The following ATP2C2 variants were observed in gnomAD, a reference collection of about 807,000 sequenced individuals.
The protein encoded by ATP2C2 is calcium-transporting ATPase type 2C member 2.
ATP2C2 carries 171 observed loss-of-function variants against 110.8 expected under a neutral mutation model. The ratio of observed to expected loss-of-function variants is 1.54; its 90% confidence interval spans 1.36 to 1.75. The LOEUF (loss-of-function observed/expected upper bound fraction) is 1.75, where lower values mean the gene tolerates loss of function less well. Among genes scored for constraint, ATP2C2 ranks in the 40% most tolerant of loss-of-function variants. The probability of loss-of-function intolerance (pLI) is 0.00; values close to 1 mark genes in which losing one functional copy is unlikely to be tolerated. For synonymous variants in ATP2C2, 804 were observed against 508.4 expected, an observed-to-expected ratio of 1.58 and a Z score of -7.82; for missense variants, 1,963 against 1,235.0, an observed-to-expected ratio of 1.59 and a Z score of -8.84.
intron 20 of ATP2C2, among the ~76,000 whole-genome samples, chr16:84,454,293 C>T (rs750566350): frequency 2.8e-4 from 42 of 152,152 alleles, no homozygotes; most frequent in Admixed American, 3.9e-4. Flanking sequence ...ATTTTTCTGA[C>T]TCTGAATACC....
intron 2 of ATP2C2, among the ~76,000 whole-genome samples, chr16:84,402,430 G>C (rs1597769598): frequency 6.6e-6 from 1 of 152,236 alleles, no homozygotes; most frequent in South Asian, 2.1e-4. Flanking sequence ...TATGACACTA[G>C]CCCTGGGTCT....
At chr16:84,459,508 G>T (rs1251256503) in intron 23 of ATP2C2, 122 bp downstream of exon 23, 6 of 1,570,670 alleles carry the variant, frequency 3.8e-6, no homozygotes, top group Non-Finnish European at 5.2e-6. Flanking sequence ...TCCATCAGGA[G>T]TTCCCAGAAA....
intron 1 of ATP2C2, among the ~76,000 whole-genome samples, chr16:84,395,894 T>C (rs1425143394): frequency 2.0e-5 from 3 of 152,154 alleles, no homozygotes; most frequent in African/African-American, 7.2e-5. Context: ...GCATTAAGTA[T>C]ATTCCCATTG....
chr16:84,375,053 T>C (rs1910171748), intron 1 of ATP2C2, among the ~76,000 whole-genome samples: 1 of 152,140 alleles, frequency 6.6e-6, no homozygotes, highest in Admixed American at 6.5e-5. Flanking sequence ...TCATATCAGA[T>C]ACAATGAAAA....
rs199755716 is a variant in ATP2C2, at chr16:84,452,031, G to C, written c.1771G>C (p.Glu591Gln). The part of the protein sequence containing the change: ...GVKEAVQVLS[E>Q]SGVSVKMITG... ...GAAGGAAGCAGTCCAGGTTCTCTCCGAGTCTGGTGTGTCTGTGAAGATGAT... is the reference window on the plus strand; with the variant it reads ...GAAGGAAGCAGTCCAGGTTCTCTCCCAGTCTGGTGTGTCTGTGAAGATGAT... Residue 591 changes from glutamate to glutamine, a missense_variant, in exon 18 of 27, where the codon GAG becomes CAG. Physicochemically the swap from Glu to Gln is conservative, Grantham distance 29 (BLOSUM62 2). Transcript: ENST00000262429. The C allele has an allele frequency of 6.2e-7, 1 of 1,613,656 alleles. No individual in the cohort carries two copies. The highest frequency in any genetic ancestry group is 1.3e-5 in the African/African-American group (1 of 74,760).
At chr16:84,420,637 C>G (rs1478794076) in intron 7 of ATP2C2, among the ~76,000 whole-genome samples, 3 of 152,094 alleles carry the variant, frequency 2.0e-5, no homozygotes, top group South Asian at 2.1e-4. Flanking sequence ...CATATTGATG[C>G]CTTCTTGTTA....
chr16:84,415,684 C>T (rs1346844088), intron 7 of ATP2C2, 93 bp downstream of exon 7: 16 of 990,300 alleles, frequency 1.6e-5, no homozygotes, highest in Non-Finnish European at 2.3e-5. Flanking sequence ...TAGTCTCTCT[C>T]ATACACACAT....
chr16:84,439,016 G>T, intron 11 of ATP2C2, 150 bp from the exon 12 acceptor site: 1 of 1,198,382 alleles, frequency 8.3e-7, no homozygotes, highest in East Asian at 2.4e-5. Flanking sequence ...AAGGAGGCAG[G>T]TGCACCTTAG....
At chr16:84,414,943 G>C (rs573440299) in intron 6 of ATP2C2, among the ~76,000 whole-genome samples, 1 of 152,284 alleles carries the variant, frequency 6.6e-6, no homozygotes, top group Non-Finnish European at 1.5e-5. Flanking sequence ...GGCCAGGTCG[G>C]AGGTCAGAGT....
At chr16:84,403,524 C>G (rs1309456364) in intron 2 of ATP2C2, among the ~76,000 whole-genome samples, 9 of 152,198 alleles carry the variant, frequency 5.9e-5, no homozygotes, top group East Asian at 3.9e-4. Flanking sequence ...CCCAGACTAG[C>G]CTTGAACTCC....
At chr16:84,407,585 C>G (rs1369190205) in intron 3 of ATP2C2, 1 of 152,204 alleles carries the variant, frequency 6.6e-6, no homozygotes, top group Non-Finnish European at 1.5e-5. Context: ...ATCCTCCTGC[C>G]TTAGCCTTCT....
At chr16:84,400,783 C>T (rs112123735) in intron 2 of ATP2C2, among the ~76,000 whole-genome samples, 4 of 152,200 alleles carry the variant, frequency 2.6e-5, no homozygotes, top group Middle Eastern at 3.4e-3. Flanking sequence ...TGAGATGATA[C>T]CTCATTGTAG....
intron 6 of ATP2C2, among the ~76,000 whole-genome samples, chr16:84,412,547 CG>C (rs1906463130): frequency 6.7e-6 from 1 of 149,516 alleles, no homozygotes; most frequent in African/African-American, 2.5e-5. Context: ...TGTGTGTATG[CG>C]TGTGTGTGTG....
In ATP2C2 at chr16:84,463,887, G is replaced by A; in HGVS notation, c.*155G>A. ...TTAGGAAAGCTGCAGGAACCTCGTG[G>A]GCTCCAGGGACCCAGGCCCACATCC... is the stretch of plus-strand genomic sequence containing the variant. On this transcript the variant is annotated 3_prime_UTR_variant, in exon 27 of 27. Transcript: ENST00000262429. 1.5e-6 allele frequency: 1 copy of A among 682,588 alleles called. No individual in the cohort carries two copies. 42.3% of individuals were successfully genotyped at this position (682,588 alleles called of 1,614,324 possible).
In ATP2C2 at chr16:84,451,160, C is replaced by T. The variant is rs556950038; in HGVS notation, c.1661-761C>T. Among the ~76,000 whole-genome samples, 6 of 152,226 alleles carry T rather than the reference C, an allele frequency of 3.9e-5. No individual in the cohort carries two copies. The East Asian group carries it at 5.8e-4, about 15-fold the overall frequency. On this transcript the variant is annotated intron_variant, in intron 17 of 26. Coordinates refer to ENST00000262429, the MANE Select transcript of ATP2C2 (RefSeq NM_014861.4). ...TGAAAGGCACGTCTTACATGGCAGC[C>T]GGCAAGAGAGAATGAGAGCCAAGCC...
At position 84,379,718 on chromosome 16, in the gene ATP2C2, T is replaced by G. The variant is rs1027460882; in HGVS notation, c.99+11004T>G. 1.8e-4 allele frequency among the ~76,000 whole-genome samples: 28 copies of G among 152,170 alleles called. 1 individual carries two copies. Among genetic ancestry groups the G allele is most frequent in the African/African-American group, 6.5e-4 (27 of 41,422 alleles). Reference sequence around the variant, plus strand: ...CGTGTCTCAGATCCATCCTCCTGTTTGCCAGGCCCTCTTGCAGATACTAGA... The same window carrying G: ...CGTGTCTCAGATCCATCCTCCTGTTGGCCAGGCCCTCTTGCAGATACTAGA... On this transcript the variant is annotated intron_variant, in intron 1 of 26. Coordinates refer to ENST00000262429, the MANE Select transcript of ATP2C2 (RefSeq NM_014861.4).
At chr16:84,431,591 A>C (rs925240039) in intron 11 of ATP2C2, among the ~76,000 whole-genome samples, 3 of 151,618 alleles carry the variant, frequency 2.0e-5, no homozygotes. Context: ...ATGAGCAGGA[A>C]GGGTGTTCAG....
At chr16:84,369,504 CTT>C (rs1242209653) in intron 1 of ATP2C2, among the ~76,000 whole-genome samples, 1 of 146,844 alleles carries the variant, frequency 6.8e-6, no homozygotes, top group Admixed American at 6.8e-5. Flanking sequence ...GGTCGTTGCA[CTT>C]TTTTTTTTTT....
intron 24 of ATP2C2, 116 bp from the exon 25 acceptor site, chr16:84,461,598 C>G (rs981827400): frequency 2.2e-6 from 2 of 899,418 alleles, no homozygotes; most frequent in Admixed American, 1.7e-5. Flanking sequence ...GATTCATGAG[C>G]TTGTAAGTGG....
Sources: gnomAD v4.1 joint callset for allele counts (sites outside exome capture counted in the v4.1 genomes callset) on GRCh38, gnomAD v4.1.1 for gene constraint, MANE v1.5 for transcripts, NCBI Gene and HGNC (gene_info 2026-07-23, HGNC 2026-07-21) for gene names.